Variants in TENM2 observed in about 807,000 individuals in gnomAD.
TENM2 encodes teneurin-2.
TENM2 carries 52 observed loss-of-function variants against 245.2 expected under a neutral mutation model. The ratio of observed to expected loss-of-function variants is 0.21; its 90% CI spans 0.17 to 0.27. TENM2 has a LOEUF of 0.27. TENM2 is among the 10% of genes least tolerant of loss of function. The pLI is 1.00. For missense variants in TENM2, 3,046 were observed against 3,666.8 expected (o/e 0.83, Z 4.37); for synonymous variants, 1,363 against 1,438.9 (o/e 0.95, Z 1.19).
At chr5:167,604,870 G>A (rs577291174) in intron 2 of TENM2, among the ~76,000 whole-genome samples, 5 of 152,322 alleles carry the variant, frequency 3.3e-5, no homozygotes, top group Non-Finnish European at 7.3e-5. Flanking sequence ...TCTGTCAACA[G>A]TGCAAACAGA....
intron 3 of TENM2, among the ~76,000 whole-genome samples, chr5:167,920,218 G>T (rs1028086100): frequency 6.6e-6 from 1 of 151,792 alleles, no homozygotes; most frequent in Non-Finnish European, 1.5e-5. Flanking sequence ...TGGGCCAGGC[G>T]CGGTGGCTCA....
intron 2 of TENM2, among the ~76,000 whole-genome samples, chr5:167,496,000 C>G (rs759893475): frequency 8.6e-5 from 13 of 152,046 alleles, no homozygotes; most frequent in Middle Eastern, 3.4e-3. Flanking sequence ...TATACAAAAC[C>G]AGAATGAAGA....
chr5:167,775,480 G>C lies in TENM2; in HGVS notation c.503-100506G>C, dbSNP rs192937642. Among the ~76,000 whole-genome samples, 15 of 152,272 alleles carry C rather than the reference G, an allele frequency of 9.9e-5. No individual in the cohort carries two copies. The East Asian group carries it at 1.7e-3, about 18-fold the overall frequency. On this transcript the variant is annotated intron_variant, in intron 2 of 28. Coordinates refer to ENST00000518659, the Ensembl canonical transcript of TENM2. The stretch of plus-strand genomic sequence containing the variant: ...GCCCTCAGCTTCCTGACAAAAGCAG[G>C]ACTCACTTTTGGGTGTTGACTCTTA...
At chr5:167,479,666 T>C (rs1475541587) in intron 2 of TENM2, among the ~76,000 whole-genome samples, 1 of 152,194 alleles carries the variant, frequency 6.6e-6, no homozygotes, top group Non-Finnish European at 1.5e-5. Context: ...CTTTTCAATG[T>C]TTTCATAGCT....
intron 8 of TENM2, among the ~76,000 whole-genome samples, chr5:168,093,091 G>C (rs1480270920): frequency 6.6e-6 from 1 of 152,238 alleles, no homozygotes; most frequent in African/African-American, 2.4e-5. Flanking sequence ...TCCAGAGCCT[G>C]TGCTTTTAAC....
chr5:167,370,341 CAAAAAAAAAAAA>C lies in TENM2; in HGVS notation c.227-4838_227-4827del, dbSNP rs35067759. Among the ~76,000 whole-genome samples the C allele has an allele frequency of 4.6e-4, 34 of 73,496 alleles. No individual in the cohort carries two copies. The East Asian group carries it at 0.01, about 23-fold the overall frequency. 48.2% of individuals were successfully genotyped at this position (73,496 alleles called of 152,430 possible). The stretch of plus-strand genomic sequence containing the variant: ...TGGGCGACAGAGTGAGACTCCGTCT[CAAAAAAAAAAAA>C]AAAAAAAAAAAAAAAAAAGACGTGG... On this transcript the variant is annotated intron_variant, in intron 1 of 28. Transcript: ENST00000518659.
At chr5:167,881,878 G>A (rs13185168) in intron 3 of TENM2, among the ~76,000 whole-genome samples, 2 of 152,140 alleles carry the variant, frequency 1.3e-5, no homozygotes, top group East Asian at 3.9e-4. Context: ...TAGTTAGTAT[G>A]CTAAGTACTT....
rs180969733 is a variant in TENM2, at chr5:168,091,994, G to A, written c.1711+1225G>A. ...AAATAAAACGTGTGTGGCATGTGTT[G>A]GTGGTCACTAAGTGACATCCGATTA... On this transcript the variant is annotated intron_variant, in intron 8 of 28. Coordinates refer to ENST00000518659, the Ensembl canonical transcript of TENM2. Among the ~76,000 whole-genome samples the A allele has an allele frequency of 3.3e-5, 5 of 152,252 alleles. No individual in the cohort carries two copies. The East Asian group carries it at 9.6e-4, about 29-fold the overall frequency.
chr5:167,489,542 C>T (rs1214752714), intron 2 of TENM2, among the ~76,000 whole-genome samples: 1 of 152,158 alleles, frequency 6.6e-6, no homozygotes, highest in Non-Finnish European at 1.5e-5. Flanking sequence ...AGCATTCTCT[C>T]CCTCCCTATC....
intron 2 of TENM2, among the ~76,000 whole-genome samples, chr5:167,494,960 A>C (rs1768709038): frequency 6.6e-6 from 1 of 152,126 alleles, no homozygotes; most frequent in African/African-American, 2.4e-5. Flanking sequence ...AACTGTAGTT[A>C]GATGGCATTT....
At chr5:167,079,857 A>G in the TENM2 span, among the ~76,000 whole-genome samples, 1 of 152,320 alleles carries the variant, frequency 6.6e-6, no homozygotes, top group South Asian at 2.1e-4. Flanking sequence ...TAGGTCTGAT[A>G]GAAATTTTTC....
chr5:168,183,860 T>C (rs993646056), intron 13 of TENM2, among the ~76,000 whole-genome samples: 1 of 150,906 alleles, frequency 6.6e-6, no homozygotes, highest in African/African-American at 2.4e-5. Flanking sequence ...AAAAAAAACA[T>C]AGAAATGACT....
rs1778678975 is a variant in TENM2, at chr5:167,628,741, C to T, written c.503-247245C>T. Among the ~76,000 whole-genome samples the T allele has an allele frequency of 2.0e-5, 3 of 152,208 alleles. No individual in the cohort carries two copies. In the South Asian group the frequency reaches 6.2e-4, roughly 31 times the overall value. ...CAAATAACCTCTCTGTCTTCCGTTT[C>T]ATTTGTAAGCATAAGGTAATACCTG... is the stretch of plus-strand genomic sequence containing the variant. On this transcript the variant is annotated intron_variant, in intron 2 of 28. Transcript: ENST00000518659.
intron 2 of TENM2, among the ~76,000 whole-genome samples, chr5:167,691,341 G>C (rs902531097): frequency 2.0e-5 from 3 of 152,098 alleles, no homozygotes. Flanking sequence ...TGGCTCATGA[G>C]TAGAAAAAAA....
At chr5:168,226,389 A>T in intron 24 of TENM2, 126 bp downstream of exon 26, 1 of 776,820 alleles carries the variant, frequency 1.3e-6, no homozygotes, top group South Asian at 2.1e-5. Flanking sequence ...CTAGCTTTCT[A>T]TTTTATTCAA....
chr5:167,223,257 T>G, the TENM2 span, among the ~76,000 whole-genome samples: 2 of 152,146 alleles, frequency 1.3e-5, no homozygotes, highest in African/African-American at 4.8e-5. Context: ...CTACTCTTCC[T>G]TGGATCATTA....
At chr5:168,014,617 G>C (rs535127725) in intron 5 of TENM2, among the ~76,000 whole-genome samples, 1 of 152,182 alleles carries the variant, frequency 6.6e-6, no homozygotes, top group Non-Finnish European at 1.5e-5. Flanking sequence ...TGCACTAGGC[G>C]TAATGGTTTC....
At chr5:167,084,326 GTTATATAT>G in the TENM2 span, among the ~76,000 whole-genome samples, 1 of 6,746 alleles carries the variant, frequency 1.5e-4, no homozygotes. Context: ...AGCCATTTTA[GTTATATAT>G]ATATATATAT....
Position 167,837,875 on chromosome 5 carries a change from C to G in TENM2, c.503-38111C>G, listed in dbSNP as rs538603051. Among the ~76,000 whole-genome samples, 4 of 152,094 alleles carry G rather than the reference C, an allele frequency of 2.6e-5. No individual in the cohort carries two copies. In the South Asian group the frequency reaches 8.3e-4, roughly 32 times the overall value. ...GGTGCATCTTAGTGCATCTACTTAG[C>G]GCAGCATATGAAACCACAAACAAAA... On this transcript the variant is annotated intron_variant, in intron 2 of 28. Coordinates refer to ENST00000518659, the Ensembl canonical transcript of TENM2.
Sources: allele counts gnomAD v4.1 joint callset (sites outside exome capture counted in the v4.1 genomes callset), GRCh38; gene constraint gnomAD v4.1.1; transcripts MANE v1.5; gene names NCBI Gene and HGNC (gene_info 2026-07-23, HGNC 2026-07-21).